NBEA: variants seen among roughly 807,000 people sequenced by gnomAD.
The protein encoded by NBEA is neurobeachin, also known as lysosomal-trafficking regulator 2.
A neutral mutation model predicts 343.4 loss-of-function variants in NBEA; 44 were observed. That is an observed-to-expected ratio of 0.13 (90% confidence interval 0.10 to 0.16). The LOEUF is 0.16. Among genes scored for constraint, NBEA ranks in the 10% least tolerant of loss-of-function variants. The probability of loss-of-function intolerance (pLI) is 1.00; values close to 1 mark genes in which losing one functional copy is unlikely to be tolerated. For missense variants in NBEA, 2,555 were observed against 3,631.3 expected, an observed-to-expected ratio of 0.70 and a Z score of 7.62; for synonymous variants, 1,175 against 1,238.7, an observed-to-expected ratio of 0.95 and a Z score of 1.08.
intron 1 of NBEA, among the ~76,000 whole-genome samples, chr13:34,996,591 C>T (rs2060949677): frequency 6.6e-6 from 1 of 151,920 alleles, no homozygotes; most frequent in African/African-American, 2.4e-5. Flanking sequence ...TGAGTGGTCC[C>T]AGCAATAATT....
At chr13:34,973,495 C>T (rs1352406520) in intron 1 of NBEA, among the ~76,000 whole-genome samples, 1 of 152,082 alleles carries the variant, frequency 6.6e-6, no homozygotes, top group Admixed American at 6.5e-5. Context: ...GAACATTCGC[C>T]AGGGTGTCTG....
chr13:35,209,602 G>A (rs1039820705), intron 32 of NBEA, among the ~76,000 whole-genome samples: 10 of 151,858 alleles, frequency 6.6e-5, no homozygotes, highest in South Asian at 4.2e-4. Flanking sequence ...TTTATACAGC[G>A]CAAGATGATC....
chr13:35,468,132 G>GCCAA (rs1566176841), intron 40 of NBEA, among the ~76,000 whole-genome samples: 7 of 103,026 alleles, frequency 6.8e-5, no homozygotes, highest in African/African-American at 1.2e-4. Flanking sequence ...CCCCTCCCCT[G>GCCAA]AAAATGATTA....
intron 38 of NBEA, among the ~76,000 whole-genome samples, chr13:35,368,470 T>C (rs1029928654): frequency 6.6e-6 from 1 of 151,730 alleles, no homozygotes; most frequent in African/African-American, 2.4e-5. Context: ...ATTTCTTCTC[T>C]ATCTCTATTC....
At chr13:35,571,790 T>C (rs1159986504) in intron 45 of NBEA, among the ~76,000 whole-genome samples, 1 of 152,168 alleles carries the variant, frequency 6.6e-6, no homozygotes, top group African/African-American at 2.4e-5. Flanking sequence ...TCTATTTGAG[T>C]TATCAAATTA....
chr13:35,177,126 C>T (rs1320531758), intron 28 of NBEA, 23 bp downstream of exon 28: 5 of 1,520,770 alleles, frequency 3.3e-6, no homozygotes, highest in Non-Finnish European at 3.6e-6. Flanking sequence ...TGATTGGTTT[C>T]CCTGAAATAA....
intron 10 of NBEA, among the ~76,000 whole-genome samples, chr13:35,076,368 C>G (rs1016723176): frequency 6.6e-6 from 1 of 151,880 alleles, no homozygotes; most frequent in Non-Finnish European, 1.5e-5. Flanking sequence ...GAGATTTAAG[C>G]AGAGTAAAAT....
chr13:34,992,362 C>T lies in NBEA; in HGVS notation c.295-48571C>T, dbSNP rs2060792642. On this transcript the variant is annotated intron_variant, in intron 1 of 58. Transcript: ENST00000379939. ...CTCTGCTTTCTGGATTCAAGCTGTT[C>T]TCCTGCCTCAGCCTCCCGAGAAACT... Among the ~76,000 whole-genome samples the T allele has an allele frequency of 3.3e-5, 5 of 150,134 alleles. No individual in the cohort carries two copies. The South Asian group carries it at 1.1e-3, about 32-fold the overall frequency.
intron 48 of NBEA, among the ~76,000 whole-genome samples, chr13:35,609,323 G>T (rs1447320916): frequency 6.6e-6 from 1 of 152,206 alleles, no homozygotes; most frequent in Non-Finnish European, 1.5e-5. Context: ...TTTCCTGCTA[G>T]AAGAGTACTA....
intron 47 of NBEA, among the ~76,000 whole-genome samples, chr13:35,597,283 A>G (rs2081849134): frequency 1.3e-5 from 2 of 152,216 alleles, no homozygotes; most frequent in Admixed American, 6.5e-5. Flanking sequence ...ACATTTATAG[A>G]CACAAAATGT....
chr13:35,127,995 A>G (rs988101747), intron 17 of NBEA, among the ~76,000 whole-genome samples: 9 of 151,560 alleles, frequency 5.9e-5, no homozygotes, highest in African/African-American at 2.2e-4. Context: ...TCTGTATGCA[A>G]GAAACATACC....
intron 48 of NBEA, among the ~76,000 whole-genome samples, chr13:35,619,374 G>A (rs207473677): frequency 4.6e-5 from 7 of 151,988 alleles, no homozygotes; most frequent in Non-Finnish European, 4.4e-5. Context: ...TTACCTATCG[G>A]GGAAAGTCCA....
rs148164184 is a variant in NBEA at position 35,566,137 on chromosome 13, T to C, written c.6923-768T>C. Among the ~76,000 whole-genome samples, 548 of 152,242 alleles carry C rather than the reference T, an allele frequency of 3.6e-3. 5 individuals are homozygous for C. The highest frequency in any genetic ancestry group is 7.8e-3 in the Admixed American group (120 of 15,290). ...CAGCACTTTTGGAGGCCGAGGCAGA[T>C]GGATCACAAGGTCAGGAGTTGGAGA... is the stretch of plus-strand genomic sequence containing the variant. On this transcript the variant is annotated intron_variant, in intron 44 of 58. Coordinates refer to ENST00000379939, the MANE Select transcript of NBEA (RefSeq NM_001385012.1).
At chr13:35,026,482 G>A (rs551015725) in intron 1 of NBEA, among the ~76,000 whole-genome samples, 15 of 152,096 alleles carry the variant, frequency 9.9e-5, no homozygotes, top group African/African-American at 3.1e-4. Flanking sequence ...GTTTTCAAAT[G>A]CATGGCAATA....
At chr13:34,968,919 GTTT>G (rs1486462069) in intron 1 of NBEA, among the ~76,000 whole-genome samples, 1 of 151,954 alleles carries the variant, frequency 6.6e-6, no homozygotes, top group African/African-American at 2.4e-5. Context: ...TTATTAATGT[GTTT>G]TAATATCAAT....
chr13:35,210,774 C>T (rs573209682), intron 32 of NBEA, among the ~76,000 whole-genome samples: 53 of 152,060 alleles, frequency 3.5e-4, no homozygotes, highest in African/African-American at 1.2e-3. Flanking sequence ...ATCATTTTAT[C>T]GAAAAATTTT....
At chr13:35,325,311 A>C (rs553146214) in intron 36 of NBEA, among the ~76,000 whole-genome samples, 2 of 152,088 alleles carry the variant, frequency 1.3e-5, no homozygotes, top group Non-Finnish European at 2.9e-5. Context: ...TAGTTTTTTA[A>C]AATTTTTAAT....
At position 35,452,247 on chromosome 13, in the gene NBEA, A is replaced by G; in HGVS notation, c.6448+12A>G. The G allele has an allele frequency of 6.5e-7, 1 of 1,542,242 alleles. No individual in the cohort carries two copies. On this transcript the variant is annotated intron_variant, in intron 40 of 58. Transcript: ENST00000379939. The stretch of plus-strand genomic sequence containing the variant: ...TGACAACCTTGCAGGTAAATTTTAA[A>G]ATATATTTTTCCTATTTGTTGTAAA...
At chr13:35,121,556 A>G (rs1326637130) in intron 16 of NBEA, among the ~76,000 whole-genome samples, 1 of 151,824 alleles carries the variant, frequency 6.6e-6, no homozygotes, top group African/African-American at 2.4e-5. Flanking sequence ...TTGGTTCCTA[A>G]AAGTTTTGAA....
Sources: gnomAD v4.1 joint callset for allele counts (sites outside exome capture counted in the v4.1 genomes callset) on GRCh38, gnomAD v4.1.1 for gene constraint, MANE v1.5 for transcripts, NCBI Gene and HGNC (gene_info 2026-07-23, HGNC 2026-07-21) for gene names.